Variants in NINJ1 observed in about 807,000 individuals in gnomAD.
NINJ1 encodes the protein ninjurin-1.
Under a neutral mutation model 12.7 loss-of-function variants are expected in NINJ1, and 6 were observed. The ratio of observed to expected loss-of-function variants is 0.47; its 90% CI spans 0.26 to 0.93. The LOEUF (loss-of-function observed/expected upper bound fraction) is 0.93, where lower values mean the gene tolerates loss of function less well. NINJ1 is among the 40% of genes least tolerant of loss of function. The pLI is 0.15. For synonymous variants in NINJ1, 100 were observed against 96.0 expected (o/e 1.04, Z -0.25); for missense variants, 170 against 213.0 (o/e 0.80, Z 1.26).
At chr9:93,130,249 C>T (rs906445444) in intron 1 of NINJ1, among the ~76,000 whole-genome samples, 26 of 152,270 alleles carry the variant, frequency 1.7e-4, no homozygotes, top group African/African-American at 4.6e-4. Flanking sequence ...CTTCTGTGGA[C>T]GGTCGGCCTC....
chr9:93,130,464 G>A (rs1301479305), intron 1 of NINJ1, among the ~76,000 whole-genome samples: 1 of 152,208 alleles, frequency 6.6e-6, no homozygotes, highest in Non-Finnish European at 1.5e-5. Flanking sequence ...CAGGGTCGGG[G>A]CTGTGGGCCC....
chr9:93,123,533 C>T (rs1192162226), intron 3 of NINJ1, among the ~76,000 whole-genome samples: 1 of 152,216 alleles, frequency 6.6e-6, no homozygotes, highest in Non-Finnish European at 1.5e-5. Context: ...ATCCGCTTGC[C>T]TCAGCCACCC....
chr9:93,127,862 C>T (rs1827835791), intron 1 of NINJ1, among the ~76,000 whole-genome samples: 1 of 152,250 alleles, frequency 6.6e-6, no homozygotes. Flanking sequence ...CGGGGTGCCG[C>T]AGGGCCACAG....
At chr9:93,127,267 G>A (rs1827827497) in intron 1 of NINJ1, among the ~76,000 whole-genome samples, 1 of 152,164 alleles carries the variant, frequency 6.6e-6, no homozygotes, top group African/African-American at 2.4e-5. Flanking sequence ...ACACAGCAGA[G>A]GCTCAACAGA....
chr9:93,126,750 C>A lies in NINJ1; in HGVS notation c.76-112G>T. 2.7e-6 allele frequency: 2 copies of A among 754,242 alleles called. 1 individual carries two copies. The highest frequency in any genetic ancestry group is 3.5e-5 in the South Asian group (2 of 57,504). 46.7% of individuals were successfully genotyped at this position (754,242 alleles called of 1,614,324 possible). A position where few individuals can be genotyped will look rare whatever the true frequency, so the allele number is the denominator to read the frequency against. On this transcript the variant is annotated intron_variant, in intron 1 of 3. Coordinates refer to ENST00000375446, the MANE Select transcript of NINJ1 (RefSeq NM_004148.4). ...TGCAGGTGAGGGCTTCCCTTGCCCC[C>A]ACCCCTGGTAAGTGCTCAGACAGAA...
intron 3 of NINJ1, among the ~76,000 whole-genome samples, chr9:93,124,667 C>T (rs1173440112): frequency 2.6e-5 from 4 of 152,118 alleles, no homozygotes; most frequent in Non-Finnish European, 1.5e-5. Context: ...ATGGTGGCTC[C>T]TACACACATT....
Position 93,134,184 on chromosome 9 carries a change from C to T in NINJ1, c.34G>A (p.Gly12Ser). The T allele has an allele frequency of 1.3e-6, 2 of 1,545,692 alleles. No individual in the cohort carries two copies. Among genetic ancestry groups the T allele is most frequent in the African/African-American group, 1.4e-5 (1 of 72,318 alleles). ...CCGGGTGTGCCCGGAGGCAGGCCGC[C>T]GTTGAGCTCGTACTCCTCGGTTCCC... ...DSGTEEYELN[G>S]GLPPGTPGSP... Residue 12 changes from glycine to serine, a missense_variant, in exon 1 of 4, where the codon GGC becomes AGC. Coordinates refer to ENST00000375446, the MANE Select transcript of NINJ1 (RefSeq NM_004148.4).
chr9:93,127,433 T>A (rs571138691), intron 1 of NINJ1, among the ~76,000 whole-genome samples: 2 of 152,178 alleles, frequency 1.3e-5, no homozygotes, highest in South Asian at 4.1e-4. Flanking sequence ...TGCCTTTCCC[T>A]GGTGCCAGAC....
intron 1 of NINJ1, among the ~76,000 whole-genome samples, chr9:93,132,006 G>A (rs1395968776): frequency 6.6e-6 from 1 of 152,196 alleles, no homozygotes; most frequent in African/African-American, 2.4e-5. Flanking sequence ...GAGGGTCTCC[G>A]TGGCAGGCAG....
At position 93,124,910 on chromosome 9, in the gene NINJ1, A is replaced by G; in HGVS notation, c.457T>C (p.Ter153GlnextTer24). Residue 153 changes from the stop codon to glutamine (Q), a stop_lost, in exon 3 of 4, where the codon TAG (stop) becomes CAG (glutamine). Coordinates refer to ENST00000375446, the MANE Select transcript of NINJ1 (RefSeq NM_004148.4). ...ATCTCCCAGCTCACCTGGGTGTCCT[A>G]CTGCTGGGGTGCCATGTCCATCAAG... ...KPLMDMAPQQ[*>Q] 1 of 1,608,180 alleles carries G rather than the reference A, an allele frequency of 6.2e-7. No homozygotes were observed. Among genetic ancestry groups the G allele is most frequent in the Non-Finnish European group, 8.5e-7 (1 of 1,176,930 alleles).
At position 93,122,157 on chromosome 9, in the gene NINJ1, A is replaced by G. The variant is rs534890359; in HGVS notation, c.*83T>C. On this transcript the variant is annotated 3_prime_UTR_variant, in exon 4 of 4. Coordinates refer to ENST00000375446, the MANE Select transcript of NINJ1 (RefSeq NM_004148.4). ...AGTCTGGGTAGTGCCATGTGCAGGG[A>G]GGTGGACACCTCACAGGTATGGCGA... The G allele has an allele frequency of 1.3e-4, 20 of 152,978 alleles. No homozygotes were observed. Among genetic ancestry groups the G allele is most frequent in the African/African-American group, 4.8e-4 (20 of 41,566 alleles). 9.5% of individuals were successfully genotyped at this position (152,978 alleles called of 1,614,324 possible).
intron 1 of NINJ1, 65 bp downstream of exon 1, chr9:93,134,078 G>A (rs1358399208): frequency 5.3e-6 from 7 of 1,317,368 alleles, no homozygotes; most frequent in Non-Finnish European, 7.2e-6. Context: ...GGTGCCCGGG[G>A]AGCCGCGGCG....
chr9:93,123,419 G>A (rs1219828350), intron 3 of NINJ1, among the ~76,000 whole-genome samples: 1 of 152,156 alleles, frequency 6.6e-6, no homozygotes, highest in African/African-American at 2.4e-5. Flanking sequence ...TGAGTAGCTG[G>A]GATTACAGGC....
At chr9:93,123,061 G>C (rs1458023829) in intron 3 of NINJ1, among the ~76,000 whole-genome samples, 1 of 152,234 alleles carries the variant, frequency 6.6e-6, no homozygotes, top group Non-Finnish European at 1.5e-5. Flanking sequence ...CCTTTCAGGA[G>C]GGTGACTTCA....
intron 3 of NINJ1, among the ~76,000 whole-genome samples, chr9:93,123,109 C>T (rs530395677): frequency 6.6e-6 from 1 of 152,330 alleles, no homozygotes; most frequent in Non-Finnish European, 1.5e-5. Context: ...GGCGTGATCC[C>T]ACTGGGGGAA....
rs1446247988 is a variant in NINJ1 at position 93,134,171 on chromosome 9, G to C, written c.47C>G (p.Pro16Arg). 1.9e-6 allele frequency: 3 copies of C among 1,557,728 alleles called. No individual in the cohort carries two copies. Among genetic ancestry groups the C allele is most frequent in the African/African-American group, 1.4e-5 (1 of 72,904 alleles). Reference protein sequence around the residue: ...EEYELNGGLPPGTPGSPDASP... With the variant: ...EEYELNGGLPRGTPGSPDASP... ...GGCGTCCGGGGAGCCGGGTGTGCCC[G>C]GAGGCAGGCCGCCGTTGAGCTCGTA... Residue 16 changes from proline (P) to arginine (R), a missense_variant, in exon 1 of 4, where the codon CCG becomes CGG. Transcript: ENST00000375446.
intron 1 of NINJ1, among the ~76,000 whole-genome samples, chr9:93,133,214 G>A (rs1428623063): frequency 6.6e-6 from 1 of 152,174 alleles, no homozygotes; most frequent in Non-Finnish European, 1.5e-5. Context: ...CCGCCTCCCC[G>A]AACATGTCCT....
Position 93,125,078 on chromosome 9 carries a change from G to T in NINJ1, c.305-16C>A, listed in dbSNP as rs774302062. On this transcript the variant is annotated splice_polypyrimidine_tract_variant and intron_variant, in intron 2 of 3. Transcript: ENST00000375446. ...TCGTACTTGACTGTGGGCGAGAGAG[G>T]AGTGGATGGTGCCAAGGGCAGCCCA... is the stretch of plus-strand genomic sequence containing the variant. 6.2e-7 allele frequency: 1 copy of T among 1,604,840 alleles called. No homozygotes were observed.
chr9:93,130,585 A>C (rs1246905894), intron 1 of NINJ1, among the ~76,000 whole-genome samples: 1 of 151,978 alleles, frequency 6.6e-6, no homozygotes, highest in Non-Finnish European at 1.5e-5. Context: ...AACACTGACC[A>C]CTCTATGCCT....
Sources: allele counts gnomAD v4.1 joint callset (sites outside exome capture counted in the v4.1 genomes callset), GRCh38; gene constraint gnomAD v4.1.1; transcripts MANE v1.5; gene names NCBI Gene and HGNC (gene_info 2026-07-23, HGNC 2026-07-21).